YES1: variants seen among roughly 807,000 people sequenced by gnomAD.
YES1 encodes tyrosine-protein kinase Yes.
Under a neutral mutation model 70.4 loss-of-function variants are expected in YES1, and 39 were observed. The ratio of observed to expected loss-of-function variants is 0.55; its 90% CI spans 0.43 to 0.72. YES1 has a LOEUF of 0.72. YES1 is among the 30% of genes least tolerant of loss of function. YES1 has a pLI of 0.00. For missense variants in YES1, 495 were observed against 644.8 expected, an observed-to-expected ratio of 0.77 and a Z score of 2.52; for synonymous variants, 198 against 218.6, an observed-to-expected ratio of 0.91 and a Z score of 0.83.
intron 1 of YES1, among the ~76,000 whole-genome samples, chr18:781,884 T>G (rs562821891): frequency 6.6e-6 from 1 of 152,194 alleles, no homozygotes; most frequent in Non-Finnish European, 1.5e-5. Flanking sequence ...TTAAGACTTA[T>G]GGCTTCAAGG....
chr18:744,394 CTTTT>C (rs397723072), intron 6 of YES1, among the ~76,000 whole-genome samples: 5 of 143,330 alleles, frequency 3.5e-5, no homozygotes, highest in Non-Finnish European at 1.5e-5. Context: ...GAGATTTTTT[CTTTT>C]TTTTTTTTTG....
intron 11 of YES1, among the ~76,000 whole-genome samples, chr18:728,994 TAGA>T (rs2080054188): frequency 6.6e-6 from 1 of 152,248 alleles, no homozygotes; most frequent in Admixed American, 6.5e-5. Flanking sequence ...TTATCATATT[TAGA>T]AGATTTTTAG....
At chr18:752,260 G>A (rs1240259048) in intron 2 of YES1, among the ~76,000 whole-genome samples, 1 of 152,040 alleles carries the variant, frequency 6.6e-6, no homozygotes, top group East Asian at 1.9e-4. Flanking sequence ...GGCATGTGCC[G>A]CCACACCTAG....
chr18:758,086 A>AT (rs1427068364), intron 1 of YES1, among the ~76,000 whole-genome samples: 1 of 152,196 alleles, frequency 6.6e-6, no homozygotes, highest in African/African-American at 2.4e-5. Flanking sequence ...AAATTTTCTA[A>AT]TTTAGTGTAG....
At chr18:736,266 G>C (rs2080151966) in intron 10 of YES1, 1 of 153,524 alleles carries the variant, frequency 6.5e-6, no homozygotes, top group East Asian at 1.9e-4. Context: ...AAAGCACTAT[G>C]TCTAAAGCAG....
intron 1 of YES1, among the ~76,000 whole-genome samples, chr18:763,056 T>C (rs978972150): frequency 2.6e-5 from 4 of 152,172 alleles, no homozygotes; most frequent in Non-Finnish European, 5.9e-5. Context: ...GAAAAGGATA[T>C]TCCAGGAAGA....
At chr18:771,641 C>T (rs556366579) in intron 1 of YES1, among the ~76,000 whole-genome samples, 12 of 151,906 alleles carry the variant, frequency 7.9e-5, no homozygotes, top group Non-Finnish European at 1.5e-4. Flanking sequence ...CTAGACCTCC[C>T]GGTCTCAAAC....
intron 10 of YES1, among the ~76,000 whole-genome samples, chr18:734,934 G>C (rs2080134744): frequency 6.6e-6 from 1 of 152,132 alleles, no homozygotes; most frequent in South Asian, 2.1e-4. Flanking sequence ...AAGGCGTGTG[G>C]ATCACCTGAG....
intron 1 of YES1, among the ~76,000 whole-genome samples, chr18:776,019 G>A (rs1304480943): frequency 2.6e-5 from 4 of 151,968 alleles, no homozygotes; most frequent in Non-Finnish European, 5.9e-5. Context: ...GAACATTCCC[G>A]AGCCCTCCTT....
intron 4 of YES1, among the ~76,000 whole-genome samples, chr18:746,668 T>C (rs1374404266): frequency 2.0e-5 from 3 of 152,306 alleles, no homozygotes; most frequent in Middle Eastern, 3.4e-3. Context: ...AGAGCACCTA[T>C]CATATACAAG....
At chr18:727,282 G>A (rs919532349) in intron 11 of YES1, among the ~76,000 whole-genome samples, 3 of 151,892 alleles carry the variant, frequency 2.0e-5, no homozygotes, top group African/African-American at 7.3e-5. Flanking sequence ...TGCTATCTAG[G>A]CTTTCTTCAG....
chr18:738,255 C>T (rs1180260286), intron 9 of YES1: 1 of 152,004 alleles, frequency 6.6e-6, no homozygotes, highest in Non-Finnish European at 1.5e-5. Flanking sequence ...AATAATAAGG[C>T]CTCTCAAATA....
At chr18:725,192 C>T (rs982547728) in intron 11 of YES1, among the ~76,000 whole-genome samples, 8 of 151,766 alleles carry the variant, frequency 5.3e-5, no homozygotes, top group African/African-American at 1.9e-4. Context: ...TTCCTCAACC[C>T]CCTGATCAGC....
At chr18:729,729 C>A (rs1255355490) in intron 11 of YES1, among the ~76,000 whole-genome samples, 1 of 148,432 alleles carries the variant, frequency 6.7e-6, no homozygotes, top group Non-Finnish European at 1.5e-5. Flanking sequence ...TGGGTTCAAG[C>A]GATTCTCCTG....
intron 5 of YES1, 32 bp from the exon 6 acceptor site, chr18:745,889 T>G (rs755951749): frequency 6.2e-7 from 1 of 1,606,804 alleles, no homozygotes; most frequent in Admixed American, 1.7e-5. Flanking sequence ...TCACTATATC[T>G]TTCTCAAAAT....
intron 1 of YES1, among the ~76,000 whole-genome samples, chr18:768,633 G>C (rs948985041): frequency 6.6e-6 from 1 of 152,020 alleles, no homozygotes. Flanking sequence ...CATATATGAC[G>C]GTGGTCCCGT....
intron 1 of YES1, among the ~76,000 whole-genome samples, chr18:783,511 A>G (rs1905781862): frequency 6.6e-6 from 1 of 152,180 alleles, no homozygotes; most frequent in South Asian, 2.1e-4. Context: ...TTGAATTGGA[A>G]AAACCAGGAG....
At chr18:781,458 CT>C (rs1905666400) in intron 1 of YES1, among the ~76,000 whole-genome samples, 1 of 152,122 alleles carries the variant, frequency 6.6e-6, no homozygotes, top group South Asian at 2.1e-4. Flanking sequence ...TTCAAGGAAT[CT>C]TCCTTGATCT....
At chr18:804,537 G>C (rs1180711846) in intron 1 of YES1, among the ~76,000 whole-genome samples, 1 of 147,854 alleles carries the variant, frequency 6.8e-6, no homozygotes, top group South Asian at 2.2e-4. Flanking sequence ...TTGAACCCGG[G>C]AGGCAGAGGT....
Sources: allele counts gnomAD v4.1 joint callset (sites outside exome capture counted in the v4.1 genomes callset), GRCh38; gene constraint gnomAD v4.1.1; transcripts MANE v1.5; gene names NCBI Gene and HGNC (gene_info 2026-07-23, HGNC 2026-07-21).